Variants in CNKSR3 observed in about 807,000 individuals in gnomAD.
The protein encoded by CNKSR3 is connector enhancer of kinase suppressor of ras 3.
Under a neutral mutation model 67.7 loss-of-function variants are expected in CNKSR3, and 36 were observed. That is an observed-to-expected ratio of 0.53 (90% CI 0.41 to 0.70). The LOEUF (loss-of-function observed/expected upper bound fraction) is 0.70, where lower values mean the gene tolerates loss of function less well. Ranked by LOEUF, CNKSR3 falls within the 30% of genes least tolerant of loss-of-function variation. The pLI, the probability that CNKSR3 is intolerant of heterozygous loss-of-function variation, is 0.00. For missense variants in CNKSR3, 630 were observed against 695.2 expected, an observed-to-expected ratio of 0.91 and a Z score of 1.05; for synonymous variants, 281 against 271.4, an observed-to-expected ratio of 1.04 and a Z score of -0.35.
At chr6:154,472,182 C>T (rs1233063064) in intron 1 of CNKSR3, among the ~76,000 whole-genome samples, 1 of 152,174 alleles carries the variant, frequency 6.6e-6, no homozygotes, top group Non-Finnish European at 1.5e-5. Context: ...AAAAAAAACA[C>T]ACACACAATG....
intron 1 of CNKSR3, among the ~76,000 whole-genome samples, chr6:154,467,451 CA>C (rs1765077823): frequency 6.6e-6 from 1 of 152,194 alleles, no homozygotes. Context: ...TCACTATACA[CA>C]CTGTCAACAG....
chr6:154,462,533 A>G (rs757420117), intron 1 of CNKSR3, among the ~76,000 whole-genome samples: 59 of 152,238 alleles, frequency 3.9e-4, no homozygotes, highest in Middle Eastern at 3.4e-3. Flanking sequence ...CTGGCTTCCC[A>G]CTGCACTGGG....
chr6:154,500,288 C>T lies in CNKSR3; in HGVS notation c.52+9775G>A, dbSNP rs182034376. 9.5e-3 allele frequency among the ~76,000 whole-genome samples: 1,442 copies of T among 151,276 alleles called. 23 individuals carry two copies. The highest frequency in any genetic ancestry group is 0.03 in the African/African-American group (1,220 of 41,240). On this transcript the variant is annotated intron_variant, in intron 1 of 12. Coordinates refer to ENST00000607772, the MANE Select transcript of CNKSR3 (RefSeq NM_173515.4). ...ACACACACACACACACACACACACA[C>T]ATCCACTCCCAATCCCAAAGCACTG...
chr6:154,490,072 G>A (rs1017249460), intron 1 of CNKSR3, among the ~76,000 whole-genome samples: 3 of 151,974 alleles, frequency 2.0e-5, no homozygotes, highest in African/African-American at 7.3e-5. Flanking sequence ...TTTAGCTCAG[G>A]TCAATGTGTT....
chr6:154,420,232 A>C (rs1785111891), intron 9 of CNKSR3, among the ~76,000 whole-genome samples: 1 of 152,108 alleles, frequency 6.6e-6, no homozygotes, highest in Non-Finnish European at 1.5e-5. Context: ...ATCTAAAAAA[A>C]AAAAAAAAAA....
In CNKSR3 at chr6:154,403,541, A is replaced by G. The variant is rs918587461; in HGVS notation, c.*2813T>C. On this transcript the variant is annotated 3_prime_UTR_variant, in exon 13 of 13. Transcript: ENST00000607772. ...ACTACTGAGGCAAGCAGTTTCCATT[A>G]ATTTCTAAGAAATCCATATTAAACT... 6.6e-6 allele frequency: 1 copy of G among 152,200 alleles called. No homozygotes were observed. The highest frequency in any genetic ancestry group is 1.5e-5 in the Non-Finnish European group (1 of 68,040). The allele number at this position is 152,200 out of a possible 1,614,324, so 9.4% of individuals were successfully genotyped here. A position where few individuals can be genotyped will look rare whatever the true frequency, so the allele number is the denominator to read the frequency against.
In CNKSR3 at chr6:154,399,057, C is replaced by T. The variant is rs1257752828; in HGVS notation, c.*7297G>A. 3 of 147,362 alleles carry T rather than the reference C, an allele frequency of 2.0e-5. No homozygotes were observed. The highest frequency in any genetic ancestry group is 6.8e-5 in the Admixed American group (1 of 14,694). The allele number at this position is 147,362 out of a possible 1,614,324, so 9.1% of individuals were successfully genotyped here. A position where few individuals can be genotyped will look rare whatever the true frequency, so the allele number is the denominator to read the frequency against. On this transcript the variant is annotated 3_prime_UTR_variant, in exon 13 of 13. Coordinates refer to ENST00000607772, the MANE Select transcript of CNKSR3 (RefSeq NM_173515.4). ...TCGTACCATTGCACTCCAGCCTGGG[C>T]AACAAGACTGAAACTCCGTCTCAAA...
intron 2 of CNKSR3, among the ~76,000 whole-genome samples, 181 bp downstream of exon 2, chr6:154,449,914 G>A (rs1228786552): frequency 6.9e-6 from 1 of 144,756 alleles, no homozygotes; most frequent in Admixed American, 7.2e-5. Flanking sequence ...GCCATAGTTT[G>A]CCAACCTTTA....
intron 1 of CNKSR3, among the ~76,000 whole-genome samples, chr6:154,503,466 A>AC (rs1554239123): frequency 3.3e-5 from 5 of 150,070 alleles, no homozygotes; most frequent in African/African-American, 9.8e-5. Context: ...CTCTACAAAG[A>AC]TTTTTTTTTT....
At chr6:154,437,410 C>CTTTTTTTTTTTTT (rs10665656) in intron 4 of CNKSR3, among the ~76,000 whole-genome samples, 1 of 102,144 alleles carries the variant, frequency 9.8e-6, no homozygotes, top group Non-Finnish European at 1.9e-5. Context: ...CACCTATGTT[C>CTTTTTTTTTTTTT]TTTTTTTTTT....
rs956729227 is a variant in CNKSR3, at chr6:154,404,916, C to G, written c.*1438G>C. The G allele has an allele frequency of 2.0e-5, 3 of 152,172 alleles. No individual in the cohort carries two copies. Among genetic ancestry groups the G allele is most frequent in the Non-Finnish European group, 2.9e-5 (2 of 68,022 alleles). The allele number at this position is 152,172 out of a possible 1,614,324, so 9.4% of individuals were successfully genotyped here. On this transcript the variant is annotated 3_prime_UTR_variant, in exon 13 of 13. Transcript: ENST00000607772. ...CATGAGTGGTTGCTAGTTCCTTTAA[C>G]CACACCAGAAGCATTTTAAAGGGAA...
intron 1 of CNKSR3, among the ~76,000 whole-genome samples, chr6:154,455,519 CTT>C (rs1428723221): frequency 6.6e-6 from 1 of 150,866 alleles, no homozygotes; most frequent in Non-Finnish European, 1.5e-5. Flanking sequence ...TTCTTTCACT[CTT>C]GTCAATTCTC....
intron 9 of CNKSR3, among the ~76,000 whole-genome samples, chr6:154,421,936 T>C (rs1185769578): frequency 1.3e-5 from 2 of 151,998 alleles, no homozygotes; most frequent in Non-Finnish European, 2.9e-5. Context: ...ATTCTGCACC[T>C]GAAATGTAGC....
In CNKSR3 at chr6:154,396,444, T is replaced by C. The variant is rs1784661895; in HGVS notation, c.*9910A>G. On this transcript the variant is annotated 3_prime_UTR_variant, in exon 13 of 13. Transcript: ENST00000607772. ...TTAAAACAATTTTCACAGAAAATTT[T>C]AATAATTTTTTCTAACTTCTTTTCT... 6.6e-6 allele frequency: 1 copy of C among 152,244 alleles called. No individual in the cohort carries two copies. The allele number at this position is 152,244 out of a possible 1,614,324, so 9.4% of individuals were successfully genotyped here. A position where few individuals can be genotyped will look rare whatever the true frequency, so the allele number is the denominator to read the frequency against.
intron 5 of CNKSR3, among the ~76,000 whole-genome samples, chr6:154,433,090 C>G (rs1785402358): frequency 6.6e-6 from 1 of 152,146 alleles, no homozygotes; most frequent in Admixed American, 6.5e-5. Flanking sequence ...GCACATCCCC[C>G]CTCCATCATA....
At chr6:154,488,376 CTTT>C (rs1279219864) in intron 1 of CNKSR3, among the ~76,000 whole-genome samples, 2 of 152,098 alleles carry the variant, frequency 1.3e-5, no homozygotes, top group African/African-American at 4.8e-5. Flanking sequence ...GACATTTGTA[CTTT>C]TTTATTTCTT....
intron 1 of CNKSR3, 75 bp downstream of exon 1, chr6:154,509,988 T>G (rs1375709638): frequency 1.1e-5 from 17 of 1,534,970 alleles, no homozygotes; most frequent in Non-Finnish European, 1.2e-5. Flanking sequence ...AAGGGCCAAG[T>G]ACCCTCTTCC....
chr6:154,509,612 T>A (rs1431804952), intron 1 of CNKSR3, among the ~76,000 whole-genome samples: 1 of 152,116 alleles, frequency 6.6e-6, no homozygotes, highest in Non-Finnish European at 1.5e-5. Flanking sequence ...CCGACAGCCC[T>A]GTCACGCCTG....
In CNKSR3 at chr6:154,390,672, A is replaced by G. The variant is rs1485815748; in HGVS notation, c.*15682T>C. The G allele has an allele frequency of 6.6e-6, 1 of 152,034 alleles. No homozygotes were observed. The highest frequency in any genetic ancestry group is 1.5e-5 in the Non-Finnish European group (1 of 68,066). The allele number at this position is 152,034 out of a possible 1,614,324, so 9.4% of individuals were successfully genotyped here. A position where few individuals can be genotyped will look rare whatever the true frequency, so the allele number is the denominator to read the frequency against. ...AAGGCTGTGCATCATTTTGTGTATT[A>G]GTTTGTTGGGGCTGCCATAACAAAA... On this transcript the variant is annotated 3_prime_UTR_variant, in exon 13 of 13. Transcript: ENST00000607772.
Sources: allele counts gnomAD v4.1 joint callset (sites outside exome capture counted in the v4.1 genomes callset), GRCh38; gene constraint gnomAD v4.1.1; transcripts MANE v1.5; gene names NCBI Gene and HGNC (gene_info 2026-07-23, HGNC 2026-07-21).